The following SETD3 variants were observed in gnomAD, a reference collection of about 807,000 sequenced individuals.
SETD3 encodes the protein SET domain containing 3, actin N3(tau)-histidine methyltransferase.
SETD3 carries 19 observed loss-of-function variants against 63.0 expected under a neutral mutation model. That is an observed-to-expected ratio of 0.30 (90% CI 0.21 to 0.44). The LOEUF is 0.44. Among genes scored for constraint, SETD3 ranks in the 20% least tolerant of loss-of-function variants. SETD3 has a pLI of 1.00. For missense variants in SETD3, 587 were observed against 728.5 expected (o/e 0.81, Z 2.24); for synonymous variants, 286 against 264.1 (o/e 1.08, Z -0.80).
At chr14:99,415,184 CTGTT>C (rs1227250722) in intron 6 of SETD3, among the ~76,000 whole-genome samples, 2 of 152,172 alleles carry the variant, frequency 1.3e-5, no homozygotes, top group East Asian at 3.8e-4. Context: ...CACATCCTGC[CTGTT>C]TTCATACTCT....
chr14:99,464,400 A>G (rs1240048913), intron 2 of SETD3, among the ~76,000 whole-genome samples: 1 of 152,200 alleles, frequency 6.6e-6, no homozygotes, highest in African/African-American at 2.4e-5. Context: ...AGTCTTAACT[A>G]TGAAGGGTAG....
At chr14:99,431,296 A>G (rs1344852559) in intron 6 of SETD3, among the ~76,000 whole-genome samples, 1 of 152,190 alleles carries the variant, frequency 6.6e-6, no homozygotes, top group African/African-American at 2.4e-5. Context: ...AGTGATTGGC[A>G]ACCCCATTAC....
In SETD3 at chr14:99,461,289, A is replaced by T. The variant is rs746207359; in HGVS notation, c.248T>A (p.Met83Lys). ...AGCCCCATTTTCAGAGGCCCATTTC[A>T]TTAGATCAGGAAAGTAATCTTCTCT... ...GKREDYFPDL[M>K]KWASENGASV... The change falls in exon 4 of 13, where the codon ATG (methionine) becomes AAG (lysine). Residue 83 changes from methionine (M) to lysine (K), a missense_variant. By Grantham distance (95) the Met-to-Lys change is moderately conservative. Coordinates refer to ENST00000331768, the MANE Select transcript of SETD3 (RefSeq NM_032233.3). The T allele has an allele frequency of 1.9e-6, 3 of 1,614,186 alleles. No homozygotes were observed. Among genetic ancestry groups the T allele is most frequent in the Non-Finnish European group, 2.5e-6 (3 of 1,180,030 alleles).
intron 6 of SETD3, among the ~76,000 whole-genome samples, chr14:99,453,583 G>T (rs974162785): frequency 2.0e-5 from 3 of 152,108 alleles, no homozygotes; most frequent in Non-Finnish European, 2.9e-5. Flanking sequence ...CCAGCACTTT[G>T]GGAGGCCGAG....
At chr14:99,475,213 A>T (rs879107628) in intron 1 of SETD3, among the ~76,000 whole-genome samples, 9 of 152,264 alleles carry the variant, frequency 5.9e-5, no homozygotes, top group Admixed American at 5.9e-4. Context: ...AAAACCAAGG[A>T]GCAACAGGAT....
chr14:99,484,911 C>T (rs1896446894), upstream of SETD3, among the ~76,000 whole-genome samples: 1 of 152,202 alleles, frequency 6.6e-6, no homozygotes, highest in African/African-American at 2.4e-5. Flanking sequence ...CTGAAAGGTG[C>T]TGCTAAAATG....
intron 6 of SETD3, among the ~76,000 whole-genome samples, chr14:99,429,886 C>T (rs747459367): frequency 1.3e-5 from 2 of 152,200 alleles, no homozygotes; most frequent in Admixed American, 6.5e-5. Context: ...TTGGTCTCCT[C>T]AATTCCACAC....
intron 6 of SETD3, among the ~76,000 whole-genome samples, chr14:99,448,774 C>G (rs1894284094): frequency 6.6e-6 from 1 of 152,280 alleles, no homozygotes; most frequent in East Asian, 1.9e-4. Context: ...ACATATGGAA[C>G]ACGTTTGCTT....
At chr14:99,430,989 C>T (rs868616066) in intron 6 of SETD3, among the ~76,000 whole-genome samples, 25 of 152,312 alleles carry the variant, frequency 1.6e-4, no homozygotes, top group South Asian at 6.2e-4. Context: ...AATAAAATGT[C>T]CTAAGCATCT....
chr14:99,413,675 T>C (rs1257261), intron 7 of SETD3, among the ~76,000 whole-genome samples: 2,796 of 152,292 alleles, frequency 0.018, 78 homozygotes, highest in African/African-American at 0.064. Context: ...CATGACAGGT[T>C]AATGGCAATT....
chr14:99,481,135 C>T, upstream of SETD3: 1 of 325,852 alleles, frequency 3.1e-6, no homozygotes, highest in Non-Finnish European at 5.6e-6. Context: ...CGACCCGGGC[C>T]CCGCCTACGC....
chr14:99,482,775 G>T (rs1164030856), upstream of SETD3, among the ~76,000 whole-genome samples: 2 of 152,186 alleles, frequency 1.3e-5, no homozygotes, highest in Admixed American at 1.3e-4. Flanking sequence ...TTCTAAAATT[G>T]AATGTCATAA....
chr14:99,464,716 G>A (rs1166971462), intron 2 of SETD3, among the ~76,000 whole-genome samples: 1 of 152,210 alleles, frequency 6.6e-6, no homozygotes, highest in Non-Finnish European at 1.5e-5. Flanking sequence ...TACAGCCAAG[G>A]CACTAATTGC....
intron 6 of SETD3, among the ~76,000 whole-genome samples, 183 bp downstream of exon 6, chr14:99,458,096 T>C (rs556977502): frequency 4.6e-5 from 7 of 152,204 alleles, no homozygotes; most frequent in South Asian, 2.1e-4. Flanking sequence ...GATATATATA[T>C]GTAACCGCAT....
chr14:99,435,496 G>GTT (rs1893428540), intron 6 of SETD3, among the ~76,000 whole-genome samples: 1 of 152,094 alleles, frequency 6.6e-6, no homozygotes, highest in Non-Finnish European at 1.5e-5. Flanking sequence ...ACACCCACGA[G>GTT]TGCCCTGAAT....
At chr14:99,436,434 C>G (rs1188633525) in intron 6 of SETD3, among the ~76,000 whole-genome samples, 3 of 152,178 alleles carry the variant, frequency 2.0e-5, no homozygotes, top group Non-Finnish European at 2.9e-5. Context: ...GGGTCAGGCA[C>G]AGAGCCTGGA....
chr14:99,481,621 A>G (rs1408407928), upstream of SETD3: 3 of 389,558 alleles, frequency 7.7e-6, no homozygotes, highest in Admixed American at 4.5e-5. Context: ...TCCGGTACAC[A>G]TTGAACTTTG....
intron 6 of SETD3, among the ~76,000 whole-genome samples, chr14:99,445,035 T>C (rs962576138): frequency 6.6e-6 from 1 of 152,122 alleles, no homozygotes; most frequent in Non-Finnish European, 1.5e-5. Flanking sequence ...CAAAAAATAT[T>C]CAAAAACAGT....
intron 1 of SETD3, among the ~76,000 whole-genome samples, chr14:99,470,452 G>A (rs1895638379): frequency 6.6e-6 from 1 of 152,202 alleles, no homozygotes; most frequent in Non-Finnish European, 1.5e-5. Context: ...TCTTAATTAA[G>A]GATGGGGGCA....
Sources: allele counts gnomAD v4.1 joint callset (sites outside exome capture counted in the v4.1 genomes callset), GRCh38; gene constraint gnomAD v4.1.1; transcripts MANE v1.5; gene names NCBI Gene and HGNC (gene_info 2026-07-23, HGNC 2026-07-21).